The following PTPRD variants were observed in gnomAD, a reference collection of about 807,000 sequenced individuals.
PTPRD encodes protein tyrosine phosphatase receptor type D.
A neutral mutation model predicts 214.5 loss-of-function variants in PTPRD; 34 were observed. The ratio of observed to expected loss-of-function variants is 0.16; its 90% CI spans 0.12 to 0.21. PTPRD has a LOEUF of 0.21. PTPRD is among the 10% of genes least tolerant of loss of function. The pLI, the probability that PTPRD is intolerant of heterozygous loss-of-function variation, is 1.00. For missense variants in PTPRD, 2,545 were observed against 2,398.7 expected (o/e 1.06, Z -1.27); for synonymous variants, 1,128 against 845.7 (o/e 1.33, Z -5.79).
chr9:9,154,258 T>G (rs2154490578), intron 10 of PTPRD, among the ~76,000 whole-genome samples: 1 of 152,306 alleles, frequency 6.6e-6, no homozygotes, highest in African/African-American at 2.4e-5. Context: ...GATTCTGTGG[T>G]TGTTTGTTAC....
At chr9:9,068,275 GTGT>G (rs1288893519) in intron 10 of PTPRD, among the ~76,000 whole-genome samples, 1 of 152,112 alleles carries the variant, frequency 6.6e-6, no homozygotes, top group Non-Finnish European at 1.5e-5. Context: ...GCTGCTTACA[GTGT>G]TTAGCTACTA....
intron 11 of PTPRD, among the ~76,000 whole-genome samples, chr9:8,812,657 C>A (rs933554170): frequency 2.6e-5 from 4 of 151,902 alleles, no homozygotes; most frequent in Non-Finnish European, 5.9e-5. Context: ...TGACCTTCAA[C>A]CCACTGTATC....
intron 12 of PTPRD, among the ~76,000 whole-genome samples, chr9:8,722,882 G>T (rs1036011930): frequency 6.6e-6 from 1 of 152,206 alleles, no homozygotes; most frequent in Non-Finnish European, 1.5e-5. Flanking sequence ...CTTTGGTGTT[G>T]CAAGTCTATA....
chr9:10,320,185 T>G (rs1269985892), intron 3 of PTPRD, among the ~76,000 whole-genome samples: 3 of 152,058 alleles, frequency 2.0e-5, no homozygotes, highest in Non-Finnish European at 4.4e-5. Context: ...ATTTCAATTA[T>G]AAATAATGAT....
At chr9:9,405,094 A>G (rs2072750338) in intron 8 of PTPRD, among the ~76,000 whole-genome samples, 1 of 152,082 alleles carries the variant, frequency 6.6e-6, no homozygotes, top group Admixed American at 6.6e-5. Context: ...AGCATTTCTT[A>G]TAGGAAACAC....
rs36018689 is a variant in PTPRD, at chr9:8,786,402, CTTTTTTTTTTTTTT to C, written c.-103-52470_-103-52457del. On this transcript the variant is annotated intron_variant, in intron 11 of 45. Coordinates refer to ENST00000381196, the MANE Select transcript of PTPRD (RefSeq NM_002839.4). ...GACAAAAAAGGAAAAGTTTGGAGTT[CTTTTTTTTTTTTTT>C]TTTTTTTTTTTGAGACAGAGTCTCG... 1.6e-4 allele frequency among the ~76,000 whole-genome samples: 11 copies of C among 67,002 alleles called. No individual in the cohort carries two copies. The South Asian group carries it at 8.3e-3, about 51-fold the overall frequency. 44.0% of individuals were successfully genotyped at this position (67,002 alleles called of 152,430 possible). A position where few individuals can be genotyped will look rare whatever the true frequency, so the allele number is the denominator to read the frequency against.
At chr9:10,570,976 T>C (rs940481384) in intron 2 of PTPRD, among the ~76,000 whole-genome samples, 4 of 151,628 alleles carry the variant, frequency 2.6e-5, no homozygotes, top group Admixed American at 2.0e-4. Flanking sequence ...CTCAAACCCA[T>C]AACAGTGTGC....
intron 38 of PTPRD, 136 bp from the exon 39 acceptor site, chr9:8,376,226 C>A: frequency 9.6e-7 from 1 of 1,044,674 alleles, no homozygotes; most frequent in East Asian, 2.6e-5. Context: ...GGAAGACACA[C>A]TCTTTGGAAA....
rs3050068 is a variant in PTPRD, at chr9:9,759,555, C to CTTTTTTTTTTTTTTTTTTTT, written c.-326+7235_-326+7254dup. On this transcript the variant is annotated intron_variant, in intron 6 of 45. Transcript: ENST00000381196. The stretch of plus-strand genomic sequence containing the variant: ...ACATCTTCAAATAGTCAAGGTCTGT[C>CTTTTTTTTTTTTTTTTTTTT]TTTTTTTTTTTTTTTTTTTTGAGAT... Among the ~76,000 whole-genome samples, 33 of 117,812 alleles carry CTTTTTTTTTTTTTTTTTTTT rather than the reference C, an allele frequency of 2.8e-4. 1 individual carries two copies. The East Asian group carries it at 5.2e-3, about 18-fold the overall frequency. 77.3% of individuals were successfully genotyped at this position (117,812 alleles called of 152,430 possible).
At chr9:8,889,585 C>T (rs530401754) in intron 11 of PTPRD, among the ~76,000 whole-genome samples, 1 of 152,152 alleles carries the variant, frequency 6.6e-6, no homozygotes, top group Admixed American at 6.5e-5. Context: ...ACACTGTGCT[C>T]AATGTGTAGT....
chr9:8,507,715 C>T (rs910390820), intron 21 of PTPRD, among the ~76,000 whole-genome samples: 1 of 152,068 alleles, frequency 6.6e-6, no homozygotes, highest in Non-Finnish European at 1.5e-5. Flanking sequence ...GGAAAAAATT[C>T]TTTACTTCAT....
chr9:10,038,131 C>T (rs998532267), intron 3 of PTPRD, among the ~76,000 whole-genome samples: 1 of 152,078 alleles, frequency 6.6e-6, no homozygotes, highest in Non-Finnish European at 1.5e-5. Context: ...CAACTTATCT[C>T]CTGATTTCCA....
intron 11 of PTPRD, among the ~76,000 whole-genome samples, chr9:8,849,332 T>C (rs1005005859): frequency 1.3e-5 from 2 of 152,036 alleles, no homozygotes; most frequent in Non-Finnish European, 2.9e-5. Context: ...AGTGCCACCA[T>C]GTCCAGATAA....
At chr9:8,720,733 G>A (rs572338414) in intron 12 of PTPRD, among the ~76,000 whole-genome samples, 1 of 152,144 alleles carries the variant, frequency 6.6e-6, no homozygotes, top group South Asian at 2.1e-4. Context: ...GCCACTCAGT[G>A]CTTCTCAATT....
intron 3 of PTPRD, among the ~76,000 whole-genome samples, chr9:10,182,348 G>A (rs2099302162): frequency 6.7e-6 from 1 of 150,042 alleles, no homozygotes; most frequent in Admixed American, 6.7e-5. Flanking sequence ...GTGCATCACA[G>A]ACAAAAATAA....
chr9:10,159,760 G>C (rs895638593), intron 3 of PTPRD, among the ~76,000 whole-genome samples: 1 of 151,786 alleles, frequency 6.6e-6, no homozygotes, highest in African/African-American at 2.4e-5. Context: ...GGATCAAGCA[G>C]AGGAAATAAT....
Position 10,108,234 on chromosome 9 carries a change from T to C in PTPRD, c.-544-74444A>G, listed in dbSNP as rs564145514. 2.6e-5 allele frequency among the ~76,000 whole-genome samples: 4 copies of C among 152,270 alleles called. No homozygotes were observed. In the East Asian group the frequency reaches 7.7e-4, roughly 29 times the overall value. On this transcript the variant is annotated intron_variant, in intron 3 of 45. Coordinates refer to ENST00000381196, the MANE Select transcript of PTPRD (RefSeq NM_002839.4). ...CATAGTTTTATGGTAGACAGCATGATGTCTCGATATACATACATTGTAGAC... is the reference window on the plus strand; with the variant it reads ...CATAGTTTTATGGTAGACAGCATGACGTCTCGATATACATACATTGTAGAC...
intron 7 of PTPRD, among the ~76,000 whole-genome samples, chr9:9,698,014 G>A (rs1310562085): frequency 1.3e-5 from 2 of 152,036 alleles, no homozygotes; most frequent in South Asian, 2.1e-4. Flanking sequence ...TTATTTCTCT[G>A]TTAAATTTCC....
At chr9:8,437,673 A>G (rs1336961676) in intron 34 of PTPRD, among the ~76,000 whole-genome samples, 2 of 152,170 alleles carry the variant, frequency 1.3e-5, no homozygotes, top group African/African-American at 4.8e-5. Flanking sequence ...CCTACAATCT[A>G]CTTCAGGTGT....
Sources: allele counts gnomAD v4.1 joint callset (sites outside exome capture counted in the v4.1 genomes callset), GRCh38; gene constraint gnomAD v4.1.1; transcripts MANE v1.5; gene names NCBI Gene and HGNC (gene_info 2026-07-23, HGNC 2026-07-21).